The following TRIM24 variants were observed in gnomAD, a reference collection of about 807,000 sequenced individuals.
TRIM24 encodes transcription intermediary factor 1-alpha.
A neutral mutation model predicts 123.9 loss-of-function variants in TRIM24; 29 were observed. That is an observed-to-expected ratio of 0.23 (90% confidence interval 0.17 to 0.32). The LOEUF (loss-of-function observed/expected upper bound fraction) is 0.32, where lower values mean the gene tolerates loss of function less well. Among genes scored for constraint, TRIM24 ranks in the 10% least tolerant of loss-of-function variants. The pLI is 1.00. For synonymous variants in TRIM24, 456 were observed against 461.1 expected, an observed-to-expected ratio of 0.99 and a Z score of 0.14; for missense variants, 932 against 1,295.3, an observed-to-expected ratio of 0.72 and a Z score of 4.31.
chr7:138,576,507 G>T (rs1253699152), intron 13 of TRIM24, 62 bp downstream of exon 13: 2 of 1,466,320 alleles, frequency 1.4e-6, no homozygotes, highest in Non-Finnish European at 1.9e-6. Flanking sequence ...TCTTTTGCCA[G>T]TGTTCAACAT....
At chr7:138,481,770 A>G (rs1438827864) in intron 1 of TRIM24, among the ~76,000 whole-genome samples, 1 of 152,100 alleles carries the variant, frequency 6.6e-6, no homozygotes, top group Non-Finnish European at 1.5e-5. Context: ...CCTTCATCAT[A>G]CCACAGCACT....
intron 5 of TRIM24, 149 bp from the exon 6 acceptor site, chr7:138,528,967 A>T (rs1181788776): frequency 2.6e-6 from 1 of 383,212 alleles, no homozygotes; most frequent in African/African-American, 2.1e-5. Context: ...CTGCTGTCTC[A>T]TCTTCAAGAC....
chr7:138,535,042 GC>G (rs1374745403), intron 6 of TRIM24, among the ~76,000 whole-genome samples: 1 of 152,054 alleles, frequency 6.6e-6, no homozygotes, highest in Non-Finnish European at 1.5e-5. Flanking sequence ...TGCCACCCCT[GC>G]CTTTTTTTGT....
chr7:138,512,538 G>A (rs886262785), intron 2 of TRIM24, among the ~76,000 whole-genome samples: 4 of 152,168 alleles, frequency 2.6e-5, no homozygotes, highest in Non-Finnish European at 4.4e-5. Flanking sequence ...CTGTGTATCT[G>A]CAGGTTTAAC....
At position 138,554,886 on chromosome 7, in the gene TRIM24, G is replaced by T. The variant is rs1187006089; in HGVS notation, c.1450G>T (p.Val484Leu). 6.2e-7 allele frequency: 1 copy of T among 1,614,132 alleles called. No homozygotes were observed. The highest frequency in any genetic ancestry group is 1.7e-5 in the Admixed American group (1 of 60,016). The part of the protein sequence containing the change: ...QQQVMAQRQQ[V>L]QRRPAPVGLP... Reference sequence around the variant, plus strand: ...ACAGGTAATGGCTCAGAGGCAACAGGTGCAACGGAGGCCAGCACCTGTGGG... The same window carrying T: ...ACAGGTAATGGCTCAGAGGCAACAGTTGCAACGGAGGCCAGCACCTGTGGG... Residue 484 changes from valine to leucine, a missense_variant, in exon 9 of 19, where the codon GTG becomes TTG. Coordinates refer to ENST00000343526, the MANE Select transcript of TRIM24 (RefSeq NM_015905.3). The surrounding 1 kb of genome is among the most constrained non-coding windows in gnomAD (Gnocchi z 4.5).
chr7:138,583,940 C>A lies in TRIM24; in HGVS notation c.2884C>A (p.Pro962Thr). ...AGAAGATTATTCCATGTACTCAAAA[C>A]CTGAAGATTTTGTAGCTGATTTTAG... ...LQEDYSMYSK[P>T]EDFVADFRLI... is the part of the protein sequence containing the mutation. The change falls in exon 18 of 19, where the codon CCT becomes ACT. Residue 962 changes from proline to threonine, a missense_variant. Pro to Thr is a conservative substitution (Grantham distance 38, BLOSUM62 -1). Transcript: ENST00000343526. 1.2e-6 allele frequency: 2 copies of A among 1,608,210 alleles called. No homozygotes were observed. Among genetic ancestry groups the A allele is most frequent in the African/African-American group, 1.3e-5 (1 of 74,598 alleles).
At chr7:138,576,340 C>A (rs201902711) in intron 12 of TRIM24, 33 bp from the exon 13 acceptor site, 3 of 1,581,568 alleles carry the variant, frequency 1.9e-6, no homozygotes, top group East Asian at 2.2e-5. Context: ...ATTATTCATT[C>A]GTTTTATGAA....
At chr7:138,483,043 G>A (rs770494002) in intron 1 of TRIM24, among the ~76,000 whole-genome samples, 17 of 152,034 alleles carry the variant, frequency 1.1e-4, no homozygotes, top group South Asian at 2.1e-4. Flanking sequence ...TCATCCTCTC[G>A]AGTAGCTGGG....
In TRIM24 at chr7:138,515,286, G is replaced by T. The variant is rs146342480; in HGVS notation, c.558G>T (p.Thr186=). The change falls in exon 3 of 19, where the codon ACG becomes ACT. Residue 186 remains threonine, a synonymous_variant. Coordinates refer to ENST00000343526, the MANE Select transcript of TRIM24 (RefSeq NM_015905.3). ...CVECVEWLCK[T]CIRAHQRVKF... is the part of the protein sequence containing the mutation. ...AGTGTGTTGAATGGCTCTGCAAGAC[G>T]TGTATCAGAGCTCATCAGAGGGTAA... is the stretch of plus-strand genomic sequence containing the variant. 1.2e-6 allele frequency: 2 copies of T among 1,614,064 alleles called. No homozygotes were observed. The highest frequency in any genetic ancestry group is 2.2e-5 in the East Asian group (1 of 44,874).
intron 15 of TRIM24, 79 bp from the exon 16 acceptor site, chr7:138,580,483 A>T: frequency 6.6e-7 from 1 of 1,519,096 alleles, no homozygotes; most frequent in Non-Finnish European, 8.9e-7. Flanking sequence ...CATAGATGTC[A>T]TGGAGGAGGT....
chr7:138,541,485 G>A (rs1244001260), intron 7 of TRIM24, among the ~76,000 whole-genome samples: 10 of 152,126 alleles, frequency 6.6e-5, no homozygotes, highest in Non-Finnish European at 1.3e-4. Flanking sequence ...TCTCAAAAGT[G>A]GGCTTAAAAT....
intron 1 of TRIM24, chr7:138,491,003 A>G: frequency 4.1e-6 from 1 of 243,922 alleles, no homozygotes. Context: ...TGTCAACATG[A>G]GCTTCAATCA....
chr7:138,548,990 T>G (rs1797157840), intron 7 of TRIM24, among the ~76,000 whole-genome samples: 1 of 152,136 alleles, frequency 6.6e-6, no homozygotes, highest in African/African-American at 2.4e-5. Flanking sequence ...AGGCGGTCAC[T>G]TTTTTTAGTA....
intron 1 of TRIM24, among the ~76,000 whole-genome samples, chr7:138,496,407 C>T (rs527566504): frequency 6.6e-6 from 1 of 152,268 alleles, no homozygotes; most frequent in East Asian, 1.9e-4. Context: ...TTCTTCCTTT[C>T]CAATCTGGAT....
rs1222014884 is a variant in TRIM24, at chr7:138,584,006, C to G, written c.2943+7C>G. 3.1e-6 allele frequency: 5 copies of G among 1,596,282 alleles called. No individual in the cohort carries two copies. ...CTGTGCTGAATTCAATGAGGTGAGG[C>G]TAGGGGAGGGAAGGGGGCAGGAAGG... On this transcript the variant is annotated splice_region_variant and intron_variant, in intron 18 of 18. Coordinates refer to ENST00000343526, the MANE Select transcript of TRIM24 (RefSeq NM_015905.3).
chr7:138,481,813 CA>C (rs948510003), intron 1 of TRIM24, among the ~76,000 whole-genome samples: 5 of 148,034 alleles, frequency 3.4e-5, no homozygotes, highest in Non-Finnish European at 6.0e-5. Flanking sequence ...ACCCTGTCTC[CA>C]AAAAAAAAGA....
intron 15 of TRIM24, among the ~76,000 whole-genome samples, chr7:138,579,973 G>A (rs1054324583): frequency 6.6e-6 from 1 of 152,042 alleles, no homozygotes; most frequent in Non-Finnish European, 1.5e-5. Flanking sequence ...ATTATCACAA[G>A]GGATCATCAT....
chr7:138,544,758 T>A (rs1433449365), intron 7 of TRIM24, among the ~76,000 whole-genome samples: 1 of 152,210 alleles, frequency 6.6e-6, no homozygotes, highest in East Asian at 1.9e-4. Flanking sequence ...AATTTTCCTA[T>A]TGATCAGTGA....
chr7:138,555,916 C>T (rs866098640), intron 9 of TRIM24, among the ~76,000 whole-genome samples: 72 of 152,212 alleles, frequency 4.7e-4, no homozygotes, highest in Middle Eastern at 3.4e-3. Flanking sequence ...ATGGCATGGT[C>T]GACATCTTAC....
Sources: gnomAD v4.1 joint callset for allele counts (sites outside exome capture counted in the v4.1 genomes callset) on GRCh38, gnomAD v4.1.1 for gene constraint, Gnocchi (gnomAD v3.1) non-coding constraint, MANE v1.5 for transcripts, NCBI Gene and HGNC (gene_info 2026-07-23, HGNC 2026-07-21) for gene names.